Variants in LHPP observed in about 807,000 individuals in gnomAD.
LHPP encodes phospholysine phosphohistidine inorganic pyrophosphate phosphatase.
In LHPP, 24 loss-of-function variants were observed where a neutral mutation model predicts 30.3. The observed-to-expected ratio is 0.79, with a 90% CI of 0.57 to 1.11. The LOEUF (loss-of-function observed/expected upper bound fraction) is 1.11, where lower values mean the gene tolerates loss of function less well. LHPP is among the 50% of genes most tolerant of loss of function. LHPP has a pLI of 0.00. For missense variants in LHPP, 356 were observed against 367.2 expected (o/e 0.97, Z 0.25); for synonymous variants, 150 against 157.1 (o/e 0.95, Z 0.34).
At position 124,593,251 on chromosome 10, in the gene LHPP, G is replaced by A. The variant is rs1473421985; in HGVS notation, c.717-20013G>A. On this transcript the variant is annotated intron_variant, in intron 6 of 6. Coordinates refer to ENST00000368842, the MANE Select transcript of LHPP (RefSeq NM_022126.4). The surrounding 1 kb of genome is among the most constrained non-coding windows in gnomAD (Gnocchi z 4.9). ...AGCTGAGAGCACCTCTTTCTCTTTGGGTCCTGCAGCCCGTGGGTGGCAGGG... is the reference window on the plus strand; with the variant it reads ...AGCTGAGAGCACCTCTTTCTCTTTGAGTCCTGCAGCCCGTGGGTGGCAGGG... Among the ~76,000 whole-genome samples, 3 of 152,148 alleles carry A rather than the reference G, an allele frequency of 2.0e-5. No homozygotes were observed. Among genetic ancestry groups the A allele is most frequent in the African/African-American group, 7.2e-5 (3 of 41,436 alleles).
chr10:124,605,915 C>T (rs1949086098), intron 6 of LHPP, among the ~76,000 whole-genome samples: 1 of 152,114 alleles, frequency 6.6e-6, no homozygotes, highest in African/African-American at 2.4e-5. Context: ...CCGGGTCACC[C>T]TGTGGGTTCC....
rs139008655 is a variant in LHPP at position 124,517,245 on chromosome 10, G to A, written c.690G>A (p.Ala230=). Residue 230 remains alanine, a synonymous_variant, in exon 6 of 7, where the codon GCG becomes GCA. Coordinates refer to ENST00000368842, the MANE Select transcript of LHPP (RefSeq NM_022126.4). The surrounding 1 kb of genome is among the most constrained non-coding windows in gnomAD (Gnocchi z 4.1). ...VGGAQRCGMR[A]LQVRTGKFRP... ...GTGCCCAGCGGTGTGGAATGAGAGC[G>A]CTGCAGGTGCGCACCGGGAAGTTCA... The A allele has an allele frequency of 1.8e-4, 292 of 1,602,606 alleles. 1 individual carries two copies. The highest frequency in any genetic ancestry group is 2.2e-4 in the Non-Finnish European group (261 of 1,174,822).
In LHPP at chr10:124,610,896, A is replaced by C. The variant is rs200653080; in HGVS notation, c.717-2368A>C. Among the ~76,000 whole-genome samples, 46 of 36,108 alleles carry C rather than the reference A, an allele frequency of 1.3e-3. 2 individuals are homozygous for C. The highest frequency in any genetic ancestry group is 2.1e-3 in the South Asian group (2 of 956). The allele number at this position is 36,108 out of a possible 152,430, so 23.7% of individuals were successfully genotyped here. A position where few individuals can be genotyped will look rare whatever the true frequency, so the allele number is the denominator to read the frequency against. ...GGTGAGGGTGCTGATGGAGCGGGTG[A>C]GGGTGAGGGTGAGGGTGCTGATGGA... is the stretch of plus-strand genomic sequence containing the variant. On this transcript the variant is annotated intron_variant, in intron 6 of 6. Transcript: ENST00000368842.
At chr10:124,543,779 ATT>A (rs11292978) in intron 6 of LHPP, among the ~76,000 whole-genome samples, 4 of 137,144 alleles carry the variant, frequency 2.9e-5, no homozygotes, top group South Asian at 2.2e-4. Flanking sequence ...AAATTAATAT[ATT>A]TTTTTTTCTG....
At chr10:124,594,564 C>T (rs1041208843) in intron 6 of LHPP, among the ~76,000 whole-genome samples, 5 of 151,956 alleles carry the variant, frequency 3.3e-5, no homozygotes, top group Admixed American at 6.6e-5. Flanking sequence ...CAGGGTCGAA[C>T]GTCTCCTTTT....
intron 6 of LHPP, among the ~76,000 whole-genome samples, chr10:124,558,825 C>T (rs978588878): frequency 6.6e-6 from 1 of 152,262 alleles, no homozygotes; most frequent in Admixed American, 6.5e-5. Context: ...CAGGCCCCTG[C>T]GGCCATATGC....
intron 6 of LHPP, among the ~76,000 whole-genome samples, chr10:124,536,223 T>G (rs2133938229): frequency 6.6e-6 from 1 of 152,342 alleles, no homozygotes; most frequent in African/African-American, 2.4e-5. Flanking sequence ...TCCCGAGTAT[T>G]TTGCCCAGAG....
intron 1 of LHPP, 30 bp from the exon 2 acceptor site, chr10:124,484,109 C>T (rs1415853941): frequency 3.0e-5 from 49 of 1,607,618 alleles, no homozygotes; most frequent in Non-Finnish European, 4.2e-5. Context: ...CACGTGCTGA[C>T]TTCCCGGGCC....
At chr10:124,600,329 G>T (rs951160919) in intron 6 of LHPP, among the ~76,000 whole-genome samples, 4 of 152,254 alleles carry the variant, frequency 2.6e-5, no homozygotes, top group African/African-American at 9.6e-5. Flanking sequence ...CTGGGGCACT[G>T]GTGCCTGCTT....
intron 6 of LHPP, among the ~76,000 whole-genome samples, chr10:124,611,153 C>T (rs572045384): frequency 3.8e-4 from 57 of 151,816 alleles, no homozygotes; most frequent in Non-Finnish European, 6.6e-4. Flanking sequence ...GCCAGCCAAG[C>T]GATCCCCACT....
intron 6 of LHPP, among the ~76,000 whole-genome samples, chr10:124,565,784 C>T (rs1217501285): frequency 2.0e-5 from 3 of 152,200 alleles, no homozygotes; most frequent in African/African-American, 7.2e-5. Flanking sequence ...TTCTCAAGGT[C>T]ACAGGAAGGC....
At chr10:124,564,707 G>T (rs1262488964) in intron 6 of LHPP, among the ~76,000 whole-genome samples, 1 of 152,202 alleles carries the variant, frequency 6.6e-6, no homozygotes, top group Non-Finnish European at 1.5e-5. Flanking sequence ...CTCAGGGTAG[G>T]ATGTTGAGTC....
In LHPP at chr10:124,496,718, G is replaced by A. The variant is rs965848495; in HGVS notation, c.468-243G>A. 5.3e-5 allele frequency among the ~76,000 whole-genome samples: 8 copies of A among 152,314 alleles called. No homozygotes were observed. Among genetic ancestry groups the A allele is most frequent in the South Asian group, 2.1e-4 (1 of 4,830 alleles). On this transcript the variant is annotated intron_variant, in intron 3 of 6. Coordinates refer to ENST00000368842, the MANE Select transcript of LHPP (RefSeq NM_022126.4). This position sits in a 1 kb window ranked among gnomAD's most constrained non-coding sequence, Gnocchi z 4.3. ...CTGACAGCAGGGTTGCGTTCTGTGCGACCTGTGGCATCCCTGGAGCTGCTG... is the reference window on the plus strand; with the variant it reads ...CTGACAGCAGGGTTGCGTTCTGTGCAACCTGTGGCATCCCTGGAGCTGCTG...
At chr10:124,522,316 A>C (rs538070616) in intron 6 of LHPP, among the ~76,000 whole-genome samples, 1 of 152,188 alleles carries the variant, frequency 6.6e-6, no homozygotes, top group South Asian at 2.1e-4. Flanking sequence ...GGCGCATTGG[A>C]CATGGCTGCT....
rs891489348 is a variant in LHPP, at chr10:124,596,316, ACT to A, written c.717-16945_717-16944del. On this transcript the variant is annotated intron_variant, in intron 6 of 6. Transcript: ENST00000368842. The surrounding 1 kb of genome is among the most constrained non-coding windows in gnomAD (Gnocchi z 4.6). ...GGCATTCATGTGTTTAGTGTAGGAG[ACT>A]CTTGCCAAACATTTCTCCAGAGTGT... Among the ~76,000 whole-genome samples the A allele has an allele frequency of 9.3e-5, 14 of 149,954 alleles. No homozygotes were observed. Among genetic ancestry groups the A allele is most frequent in the African/African-American group, 3.4e-4 (14 of 40,734 alleles).
chr10:124,607,709 A>G (rs1451695693), intron 6 of LHPP, among the ~76,000 whole-genome samples: 1 of 152,140 alleles, frequency 6.6e-6, no homozygotes, highest in Non-Finnish European at 1.5e-5. Context: ...TCGGATGATG[A>G]ATCATGGGCG....
At chr10:124,519,122 A>G (rs1054986093) in intron 6 of LHPP, among the ~76,000 whole-genome samples, 1 of 151,836 alleles carries the variant, frequency 6.6e-6, no homozygotes, top group Non-Finnish European at 1.5e-5. Context: ...TAGTTTTTGT[A>G]TTTTTAGTGG....
Position 124,497,972 on chromosome 10 carries a change from G to A in LHPP, c.532-64G>A, listed in dbSNP as rs148048686. On this transcript the variant is annotated intron_variant, in intron 4 of 6. Coordinates refer to ENST00000368842, the MANE Select transcript of LHPP (RefSeq NM_022126.4). ...GGGGCACATTTGGGACAGTGTTTCC[G>A]TGGCTGGGCATACACCTGTTCCTTG... is the stretch of plus-strand genomic sequence containing the variant. The A allele has an allele frequency of 4.0e-4, 518 of 1,306,690 alleles. 2 individuals carry two copies. The East Asian group carries it at 0.01, about 25-fold the overall frequency. The allele number at this position is 1,306,690 out of a possible 1,614,324, so 80.9% of individuals were successfully genotyped here.
intron 6 of LHPP, among the ~76,000 whole-genome samples, chr10:124,544,513 G>T (rs1356703857): frequency 6.6e-6 from 1 of 150,700 alleles, no homozygotes; most frequent in Non-Finnish European, 1.5e-5. Flanking sequence ...AGGGGAGCAG[G>T]CGTGCTCAAG....
Sources: allele counts gnomAD v4.1 joint callset (sites outside exome capture counted in the v4.1 genomes callset), GRCh38; gene constraint gnomAD v4.1.1; non-coding constraint Gnocchi (gnomAD v3.1); transcripts MANE v1.5; gene names NCBI Gene and HGNC (gene_info 2026-07-23, HGNC 2026-07-21).